Variants in SLC27A2 observed in about 807,000 individuals in gnomAD.
SLC27A2 encodes the protein long-chain fatty acid transport protein 2.
In SLC27A2, 54 loss-of-function variants were observed where a neutral mutation model predicts 60.0. The observed-to-expected ratio is 0.90, with a 90% CI of 0.72 to 1.13. SLC27A2 has a LOEUF of 1.13. SLC27A2 is among the 50% of genes most tolerant of loss of function. SLC27A2 has a pLI of 0.00. For synonymous variants in SLC27A2, 297 were observed against 297.6 expected, an observed-to-expected ratio of 1.00 and a Z score of 0.02; for missense variants, 739 against 777.6, an observed-to-expected ratio of 0.95 and a Z score of 0.59.
chr15:50,231,896 A>G (rs1457767364), intron 8 of SLC27A2, among the ~76,000 whole-genome samples: 2 of 152,184 alleles, frequency 1.3e-5, no homozygotes, highest in African/African-American at 2.4e-5. Flanking sequence ...CCATCAATAG[A>G]ATGGGCTTGT....
intron 8 of SLC27A2, among the ~76,000 whole-genome samples, chr15:50,230,256 A>C (rs2045308592): frequency 7.0e-6 from 1 of 142,534 alleles, no homozygotes; most frequent in Non-Finnish European, 1.5e-5. Context: ...AAAAAAAAAA[A>C]TTAAGTCCGG....
intron 2 of SLC27A2, among the ~76,000 whole-genome samples, chr15:50,198,776 G>A (rs2045043312): frequency 6.6e-6 from 1 of 152,006 alleles, no homozygotes; most frequent in South Asian, 2.1e-4. Flanking sequence ...AGGTAATACA[G>A]GTCTTCTCCT....
At chr15:50,221,078 C>T (rs1254332064) in intron 4 of SLC27A2, among the ~76,000 whole-genome samples, 1 of 151,942 alleles carries the variant, frequency 6.6e-6, no homozygotes, top group Admixed American at 6.6e-5. Context: ...TGGTAGCACG[C>T]ACCTGTAGTC....
intron 1 of SLC27A2, among the ~76,000 whole-genome samples, chr15:50,185,029 C>T (rs989047914): frequency 5.9e-5 from 9 of 152,178 alleles, no homozygotes; most frequent in Non-Finnish European, 1.0e-4. Context: ...ACACAGTGAT[C>T]TTTGTACCAC....
At chr15:50,219,439 CT>C (rs897609557) in intron 4 of SLC27A2, among the ~76,000 whole-genome samples, 1 of 150,112 alleles carries the variant, frequency 6.7e-6, no homozygotes, top group African/African-American at 2.4e-5. Flanking sequence ...TTCCTTTTTT[CT>C]TTTTTTTGTG....
intron 8 of SLC27A2, among the ~76,000 whole-genome samples, chr15:50,232,558 C>G (rs116934458): frequency 5.8e-4 from 89 of 152,274 alleles, no homozygotes; most frequent in Non-Finnish European, 1.1e-3. Flanking sequence ...TGAAGCTGAA[C>G]TAGTCCCAAA....
intron 2 of SLC27A2, among the ~76,000 whole-genome samples, 169 bp from the exon 3 acceptor site, chr15:50,202,318 C>T (rs2045071108): frequency 6.6e-6 from 1 of 152,212 alleles, no homozygotes; most frequent in Admixed American, 6.5e-5. Context: ...CATTTACTCC[C>T]TGGTCCTTTA....
chr15:50,234,303 A>C (rs2045335759), intron 9 of SLC27A2, among the ~76,000 whole-genome samples: 1 of 152,078 alleles, frequency 6.6e-6, no homozygotes, highest in Admixed American at 6.5e-5. Flanking sequence ...AATTTTTAAA[A>C]AAGGCCAAAC....
intron 4 of SLC27A2, among the ~76,000 whole-genome samples, chr15:50,216,622 A>G (rs879435759): frequency 0.29 from 16,421 of 55,692 alleles, 1,522 homozygotes; most frequent in East Asian, 0.48. Context: ...ATATATATAT[A>G]TATATATATA....
chr15:50,216,900 A>AT (rs1555501339), intron 4 of SLC27A2, among the ~76,000 whole-genome samples: 1 of 147,598 alleles, frequency 6.8e-6, no homozygotes, highest in Non-Finnish European at 1.5e-5. Flanking sequence ...TATTCCAAAA[A>AT]ATATATATAT....
chr15:50,235,977 G>A lies in SLC27A2; in HGVS notation c.1744G>A (p.Gly582Ser). 6.2e-7 allele frequency: 1 copy of A among 1,613,966 alleles called. No homozygotes were observed. Among genetic ancestry groups the A allele is most frequent in the South Asian group, 1.1e-5 (1 of 91,062 alleles). ...KHRKMTLVEE[G>S]FNPAVIKDAL... ...CCGCAAAATGACCCTGGTGGAGGAGGGCTTTAACCCTGCTGTCATCAAAGA... is the reference window on the plus strand; with the variant it reads ...CCGCAAAATGACCCTGGTGGAGGAGAGCTTTAACCCTGCTGTCATCAAAGA... The change falls in exon 10 of 10, where the codon GGC becomes AGC. Residue 582 changes from glycine to serine, a missense_variant. Physicochemically the swap from Gly to Ser is moderately conservative, Grantham distance 56. Coordinates refer to ENST00000267842, the MANE Select transcript of SLC27A2 (RefSeq NM_003645.4).
chr15:50,192,280 C>T (rs1044831560), intron 1 of SLC27A2, among the ~76,000 whole-genome samples: 14 of 152,018 alleles, frequency 9.2e-5, no homozygotes, highest in Non-Finnish European at 2.1e-4. Flanking sequence ...TCAAGTCTGC[C>T]CAAATAACAA....
chr15:50,231,651 G>A (rs1213587508), intron 8 of SLC27A2, among the ~76,000 whole-genome samples: 1 of 152,184 alleles, frequency 6.6e-6, no homozygotes, highest in East Asian at 1.9e-4. Context: ...ATGGGACTCA[G>A]AATCTGCATG....
At chr15:50,202,737 G>T (rs1161166487) in intron 3 of SLC27A2, 92 bp downstream of exon 3, 3 of 1,299,040 alleles carry the variant, frequency 2.3e-6, no homozygotes, top group African/African-American at 1.5e-5. Context: ...GTTGCTGTCT[G>T]CTAGGAACAG....
chr15:50,214,223 C>T (rs1247776086), intron 4 of SLC27A2, among the ~76,000 whole-genome samples: 2 of 152,024 alleles, frequency 1.3e-5, no homozygotes, highest in Non-Finnish European at 2.9e-5. Context: ...GAGCTAGATA[C>T]ATTCCTGGAA....
In SLC27A2 at chr15:50,202,582, A is replaced by G. The variant is rs144192537; in HGVS notation, c.784A>G (p.Ile262Val). 9.6e-4 allele frequency: 1,551 copies of G among 1,614,026 alleles called. 3 individuals carry two copies. Among genetic ancestry groups the G allele is most frequent in the Middle Eastern group, 1.5e-3 (9 of 6,062 alleles). Residue 262 changes from isoleucine to valine, a missense_variant, in exon 3 of 10, where the codon ATC (isoleucine) becomes GTC (valine). Physicochemically the swap from Ile to Val is conservative, Grantham distance 29. Coordinates refer to ENST00000267842, the MANE Select transcript of SLC27A2 (RefSeq NM_003645.4). ...SGLKADDVIY[I>V]TLPFYHSAAL... ...ATTGAAGGCAGATGATGTCATCTAT[A>G]TCACTCTGCCCTTTTACCACAGTGC...
intron 8 of SLC27A2, among the ~76,000 whole-genome samples, chr15:50,232,941 C>T (rs1198971293): frequency 6.6e-6 from 1 of 152,230 alleles, no homozygotes; most frequent in Non-Finnish European, 1.5e-5. Context: ...TGTCTCCTCT[C>T]TGATTACAGC....
intron 7 of SLC27A2, among the ~76,000 whole-genome samples, chr15:50,227,397 G>A (rs1307014237): frequency 6.6e-6 from 1 of 152,226 alleles, no homozygotes; most frequent in African/African-American, 2.4e-5. Context: ...ATGAGAATAA[G>A]GCAGGAAACC....
At chr15:50,213,564 A>G (rs1389827220) in intron 4 of SLC27A2, among the ~76,000 whole-genome samples, 1 of 152,206 alleles carries the variant, frequency 6.6e-6, no homozygotes, top group Non-Finnish European at 1.5e-5. Context: ...GGTGGCCCAT[A>G]AAATGAACTT....
Sources: gnomAD v4.1 joint callset for allele counts (sites outside exome capture counted in the v4.1 genomes callset) on GRCh38, gnomAD v4.1.1 for gene constraint, MANE v1.5 for transcripts, NCBI Gene and HGNC (gene_info 2026-07-23, HGNC 2026-07-21) for gene names.